SCN3A: variants seen among roughly 807,000 people sequenced by gnomAD.
SCN3A encodes sodium voltage-gated channel alpha subunit 3, also known as sodium channel protein type 3 subunit alpha.
SCN3A carries 60 observed loss-of-function variants against 187.6 expected under a neutral mutation model. The ratio of observed to expected loss-of-function variants is 0.32; its 90% CI spans 0.26 to 0.40. The LOEUF is 0.40. SCN3A is among the 10% of genes least tolerant of loss of function. The pLI is 1.00. For synonymous variants in SCN3A, 788 were observed against 829.2 expected, an observed-to-expected ratio of 0.95 and a Z score of 0.85; for missense variants, 1,601 against 2,428.2, an observed-to-expected ratio of 0.66 and a Z score of 7.16.
intron 2 of SCN3A, among the ~76,000 whole-genome samples, chr2:165,181,394 T>C (rs1690863047): frequency 1.3e-5 from 2 of 152,240 alleles, no homozygotes. Context: ...TTTTACCTAA[T>C]CATGCACTAA....
intron 15 of SCN3A, 132 bp from the exon 16 acceptor site, chr2:165,131,549 A>G: frequency 4.3e-6 from 2 of 466,922 alleles, no homozygotes; most frequent in Non-Finnish European, 7.4e-6. Context: ...AAATCAATTC[A>G]AGTCTTAGTT....
chr2:165,099,046 C>A (rs886322488), intron 22 of SCN3A, among the ~76,000 whole-genome samples: 64 of 152,254 alleles, frequency 4.2e-4, no homozygotes, highest in African/African-American at 1.5e-3. Context: ...AATGTAAAAA[C>A]CAAATATTTC....
intron 9 of SCN3A, among the ~76,000 whole-genome samples, chr2:165,161,137 CTTTTTTTTTTT>C (rs61608647): frequency 9.4e-4 from 88 of 93,404 alleles, no homozygotes; most frequent in Non-Finnish European, 1.7e-3. Flanking sequence ...TTCTTTCTTT[CTTTTTTTTTTT>C]TTTTTTTTTT....
In SCN3A at chr2:165,154,579, A is replaced by G; in HGVS notation, c.1253T>C (p.Leu418Ser). The change falls in exon 11 of 28, where the codon TTG becomes TCG. Residue 418 changes from leucine (L) to serine (S), a missense_variant. By Grantham distance (145) the Leu-to-Ser change is moderately radical. Around this residue, in one of 11 missense-constraint regions of SCN3A, gnomAD observed 47 missense variants for 105.8 expected, o/e 0.44. Coordinates refer to ENST00000283254, the MANE Select transcript of SCN3A (RefSeq NM_006922.4). ...GGCCATGGCCACCACAGCCAGGATC[A>G]AATTCACCAAATAAAATGAGCCCAA... is the stretch of plus-strand genomic sequence containing the variant. Reference protein sequence around the residue: ...IFLGSFYLVNLILAVVAMAYE... With the variant: ...IFLGSFYLVNSILAVVAMAYE... 6.2e-7 allele frequency: 1 copy of G among 1,614,186 alleles called. No homozygotes were observed.
intron 12 of SCN3A, among the ~76,000 whole-genome samples, chr2:165,142,699 T>C (rs1688079286): frequency 6.6e-6 from 1 of 151,702 alleles, no homozygotes. Context: ...ATGATCAATA[T>C]AATAACAGTT....
At chr2:165,162,973 A>G (rs902701366) in intron 7 of SCN3A, 145 bp from the exon 8 acceptor site, 2 of 980,632 alleles carry the variant, frequency 2.0e-6, no homozygotes, top group Non-Finnish European at 3.2e-6. Context: ...TGATTTGGGA[A>G]ATAGATGAAC....
chr2:165,183,313 AC>A (rs1691009319), intron 2 of SCN3A, among the ~76,000 whole-genome samples: 1 of 152,188 alleles, frequency 6.6e-6, no homozygotes, highest in African/African-American at 2.4e-5. Flanking sequence ...ACAAATTATG[AC>A]CTTTTCTATT....
chr2:165,166,958 G>C (rs1689803881), intron 5 of SCN3A, among the ~76,000 whole-genome samples: 1 of 151,136 alleles, frequency 6.6e-6, no homozygotes, highest in South Asian at 2.1e-4. Flanking sequence ...GGAATGCAGT[G>C]GTGGGATCTT....
intron 2 of SCN3A, among the ~76,000 whole-genome samples, chr2:165,184,395 A>G (rs773834654): frequency 2.0e-5 from 3 of 151,088 alleles, no homozygotes; most frequent in Non-Finnish European, 4.4e-5. Flanking sequence ...GGTTGATACC[A>G]TTAATATTTC....
At chr2:165,188,805 A>C (rs1382459290) in intron 1 of SCN3A, among the ~76,000 whole-genome samples, 5 of 72,376 alleles carry the variant, frequency 6.9e-5, no homozygotes, top group African/African-American at 3.9e-4. Context: ...GCCCCACTTC[A>C]AAAAAAAAAA....
chr2:165,097,162 T>C, intron 23 of SCN3A, 90 bp downstream of exon 23: 2 of 1,458,448 alleles, frequency 1.4e-6, no homozygotes, highest in Middle Eastern at 3.5e-4. Context: ...TGCTGTCAAA[T>C]GTTAGTCATT....
chr2:165,092,053 G>A lies in SCN3A; in HGVS notation c.4807+201C>T, dbSNP rs1685131271. 1 of 611,950 alleles carries A rather than the reference G, an allele frequency of 1.6e-6. No individual in the cohort carries two copies. The highest frequency in any genetic ancestry group is 1.9e-5 in the African/African-American group (1 of 54,004). 37.9% of individuals were successfully genotyped at this position (611,950 alleles called of 1,614,324 possible). A position where few individuals can be genotyped will look rare whatever the true frequency, so the allele number is the denominator to read the frequency against. ...TCTTCTTCACCTCTTTCCCAAATCT[G>A]GTATTCCTAACATGGTTTCTAACTA... On this transcript the variant is annotated intron_variant, in intron 27 of 27. Transcript: ENST00000283254. The surrounding 1 kb of genome is among the most constrained non-coding windows in gnomAD (Gnocchi z 4.2).
chr2:165,136,782 G>C (rs535087254), intron 15 of SCN3A, among the ~76,000 whole-genome samples: 2 of 152,314 alleles, frequency 1.3e-5, no homozygotes, highest in East Asian at 3.9e-4. Flanking sequence ...CAAGAATATG[G>C]TGGGTGTTCT....
chr2:165,198,770 C>A (rs1692137757), intron 1 of SCN3A, among the ~76,000 whole-genome samples: 1 of 151,936 alleles, frequency 6.6e-6, no homozygotes, highest in Non-Finnish European at 1.5e-5. Flanking sequence ...TCATGACCAA[C>A]CATTATATAA....
At chr2:165,198,820 G>C (rs1236875040) in intron 1 of SCN3A, among the ~76,000 whole-genome samples, 1 of 151,944 alleles carries the variant, frequency 6.6e-6, no homozygotes, top group Non-Finnish European at 1.5e-5. Flanking sequence ...TTGGGAACAT[G>C]TTTAGTTAGG....
At chr2:165,149,016 C>T (rs1342117757) in intron 11 of SCN3A, among the ~76,000 whole-genome samples, 2 of 151,936 alleles carry the variant, frequency 1.3e-5, no homozygotes, top group Non-Finnish European at 1.5e-5. Flanking sequence ...CTTTCTTATC[C>T]AAATAAAGTC....
At chr2:165,101,351 T>G (rs71426740) in intron 21 of SCN3A, among the ~76,000 whole-genome samples, 13,831 of 152,198 alleles carry the variant, frequency 0.091, 885 homozygotes, top group Non-Finnish European at 0.14. Flanking sequence ...TTAATTTTCT[T>G]TCAATATAAT....
At chr2:165,172,210 G>A (rs1690151177) in intron 3 of SCN3A, among the ~76,000 whole-genome samples, 1 of 152,064 alleles carries the variant, frequency 6.6e-6, no homozygotes, top group Non-Finnish European at 1.5e-5. Flanking sequence ...ATCCCTTTGT[G>A]TTTAAGACCA....
At chr2:165,111,241 A>G (rs1686098626) in intron 21 of SCN3A, among the ~76,000 whole-genome samples, 2 of 152,182 alleles carry the variant, frequency 1.3e-5, no homozygotes, top group South Asian at 4.1e-4. Flanking sequence ...AGGCTGAGGC[A>G]GGAGAATCAC....
Sources: gnomAD v4.1 joint callset for allele counts (sites outside exome capture counted in the v4.1 genomes callset) on GRCh38, gnomAD v4.1.1 for gene constraint, gnomAD v4.1.1 regional missense constraint, Gnocchi (gnomAD v3.1) non-coding constraint, MANE v1.5 for transcripts, NCBI Gene and HGNC (gene_info 2026-07-23, HGNC 2026-07-21) for gene names.